The following FGF12 variants were observed in gnomAD, a reference collection of about 807,000 sequenced individuals.
FGF12 encodes the protein fibroblast growth factor 12B.
In FGF12, 14 loss-of-function variants were observed where a neutral mutation model predicts 23.6. That is an observed-to-expected ratio of 0.59 (90% CI 0.39 to 0.93). The LOEUF is 0.93. FGF12 is among the 40% of genes least tolerant of loss of function. The pLI is 0.00. For synonymous variants in FGF12, 62 were observed against 77.3 expected (o/e 0.80, Z 1.04); for missense variants, 175 against 217.8 (o/e 0.80, Z 1.24).
intron 2 of FGF12, among the ~76,000 whole-genome samples, chr3:192,423,656 G>A (rs1389825062): frequency 6.6e-6 from 1 of 152,164 alleles, no homozygotes; most frequent in East Asian, 1.9e-4. Flanking sequence ...ACCAAGAAAG[G>A]TGCAACATGC....
intron 2 of FGF12, among the ~76,000 whole-genome samples, chr3:192,724,692 G>C (rs1375181927): frequency 6.6e-6 from 1 of 152,126 alleles, no homozygotes; most frequent in Non-Finnish European, 1.5e-5. Context: ...TCTTTACCCT[G>C]TATGACAGGG....
At chr3:192,526,887 A>G (rs1438513561) in intron 2 of FGF12, among the ~76,000 whole-genome samples, 1 of 152,190 alleles carries the variant, frequency 6.6e-6, no homozygotes, top group Non-Finnish European at 1.5e-5. Context: ...CTAAAAATCA[A>G]TGACACACCT....
At chr3:192,574,081 A>G (rs1446347170) in intron 2 of FGF12, among the ~76,000 whole-genome samples, 1 of 152,212 alleles carries the variant, frequency 6.6e-6, no homozygotes, top group Non-Finnish European at 1.5e-5. Context: ...TGAGCTATAA[A>G]GCTAGATGCT....
chr3:192,483,263 C>T (rs993329884), intron 2 of FGF12, among the ~76,000 whole-genome samples: 3 of 152,022 alleles, frequency 2.0e-5, no homozygotes, highest in Non-Finnish European at 4.4e-5. Flanking sequence ...GACTACTATA[C>T]CTAAAGCCCA....
intron 2 of FGF12, among the ~76,000 whole-genome samples, chr3:192,363,482 G>A (rs543593975): frequency 3.3e-5 from 5 of 152,226 alleles, no homozygotes; most frequent in Middle Eastern, 3.4e-3. Flanking sequence ...TGCCAGAACA[G>A]GCCCAGAGTC....
At chr3:192,570,640 A>G (rs1251557168) in intron 2 of FGF12, among the ~76,000 whole-genome samples, 1 of 152,170 alleles carries the variant, frequency 6.6e-6, no homozygotes, top group East Asian at 1.9e-4. Flanking sequence ...CATCTGCTGT[A>G]TTCATAGCAC....
chr3:192,495,988 A>G (rs1462178440), intron 2 of FGF12, among the ~76,000 whole-genome samples: 2 of 152,200 alleles, frequency 1.3e-5, no homozygotes, highest in African/African-American at 2.4e-5. Context: ...AAAACAGGAA[A>G]CCATTTGTTA....
At chr3:192,373,081 T>C (rs945996086) in intron 2 of FGF12, among the ~76,000 whole-genome samples, 4 of 152,192 alleles carry the variant, frequency 2.6e-5, no homozygotes, top group African/African-American at 9.7e-5. Context: ...TGTACAGATA[T>C]TATCTGGCAG....
chr3:192,483,769 T>C (rs9843408), intron 2 of FGF12, among the ~76,000 whole-genome samples: 15,325 of 152,008 alleles, frequency 0.1, 2,486 homozygotes, highest in African/African-American at 0.34. Flanking sequence ...AAAAAATATA[T>C]AAGCAGTACC....
chr3:192,385,911 G>A (rs907197469), intron 2 of FGF12, among the ~76,000 whole-genome samples: 1 of 152,170 alleles, frequency 6.6e-6, no homozygotes, highest in Non-Finnish European at 1.5e-5. Context: ...CACCACAGAC[G>A]TGGACATGCC....
At chr3:192,305,763 C>T (rs1018251449) in intron 4 of FGF12, among the ~76,000 whole-genome samples, 3 of 146,624 alleles carry the variant, frequency 2.0e-5, no homozygotes, top group Non-Finnish European at 3.0e-5. Flanking sequence ...GTTTTTGTGT[C>T]GGACACTGAT....
intron 2 of FGF12, among the ~76,000 whole-genome samples, chr3:192,536,755 G>T (rs1294209777): frequency 6.6e-6 from 1 of 151,900 alleles, no homozygotes; most frequent in Non-Finnish European, 1.5e-5. Context: ...TCACATCAGG[G>T]TAAATGGGGT....
chr3:192,555,756 C>T (rs1027968800), intron 2 of FGF12, among the ~76,000 whole-genome samples: 1 of 150,814 alleles, frequency 6.6e-6, no homozygotes, highest in Non-Finnish European at 1.5e-5. Flanking sequence ...CGAGATCATG[C>T]CATTGCACTC....
chr3:192,416,854 G>C (rs1404278649), intron 2 of FGF12, among the ~76,000 whole-genome samples: 1 of 152,098 alleles, frequency 6.6e-6, no homozygotes, highest in African/African-American at 2.4e-5. Flanking sequence ...AGCCAAAACA[G>C]ACAGACAGAT....
intron 4 of FGF12, among the ~76,000 whole-genome samples, chr3:192,182,251 T>G (rs968130402): frequency 9.9e-5 from 10 of 101,274 alleles, no homozygotes; most frequent in South Asian, 8.6e-4. Flanking sequence ...GAAATAGACT[T>G]TTTTTTTTTC....
chr3:192,575,873 T>C (rs2108609545), intron 2 of FGF12, among the ~76,000 whole-genome samples: 1 of 152,340 alleles, frequency 6.6e-6, no homozygotes, highest in Non-Finnish European at 1.5e-5. Context: ...TACATTGTAA[T>C]TATTATGTTG....
In FGF12 at chr3:192,581,652, C is replaced by T. The variant is rs573709970; in HGVS notation, c.13+145529G>A. ...ATTGAAATATTCAACTCCCATCACT[C>T]TTTGTGGACTTTGAAGATTTCTAAA... On this transcript the variant is annotated intron_variant, in intron 2 of 5. Coordinates refer to ENST00000445105, the MANE Select transcript of FGF12 (RefSeq NM_004113.6). Among the ~76,000 whole-genome samples the T allele has an allele frequency of 3.3e-5, 5 of 152,066 alleles. No homozygotes were observed. In the South Asian group the frequency reaches 6.2e-4, roughly 19 times the overall value.
intron 3 of FGF12, among the ~76,000 whole-genome samples, chr3:192,358,290 G>T (rs934352842): frequency 6.6e-6 from 1 of 151,714 alleles, no homozygotes; most frequent in African/African-American, 2.4e-5. Context: ...TAAAGCTAGT[G>T]GTAGGTATCC....
At chr3:192,419,066 A>T (rs963974434) in intron 2 of FGF12, among the ~76,000 whole-genome samples, 1 of 152,206 alleles carries the variant, frequency 6.6e-6, no homozygotes, top group African/African-American at 2.4e-5. Flanking sequence ...TAAAAGTCAT[A>T]GAAAGTTGAT....
Sources: gnomAD v4.1 joint callset for allele counts (sites outside exome capture counted in the v4.1 genomes callset) on GRCh38, gnomAD v4.1.1 for gene constraint, MANE v1.5 for transcripts, NCBI Gene and HGNC (gene_info 2026-07-23, HGNC 2026-07-21) for gene names.